Variants in MAPKAP1 observed in about 807,000 individuals in gnomAD.
The protein encoded by MAPKAP1 is target of rapamycin complex 2 subunit MAPKAP1.
MAPKAP1 carries 20 observed loss-of-function variants against 65.7 expected under a neutral mutation model. That is an observed-to-expected ratio of 0.30 (90% CI 0.21 to 0.44). MAPKAP1 has a LOEUF of 0.44. MAPKAP1 is among the 20% of genes least tolerant of loss of function. The pLI is 1.00. For synonymous variants in MAPKAP1, 222 were observed against 244.3 expected (o/e 0.91, Z 0.85); for missense variants, 423 against 648.0 (o/e 0.65, Z 3.77).
chr9:125,636,387 G>A (rs1263909411), intron 4 of MAPKAP1, among the ~76,000 whole-genome samples: 2 of 151,996 alleles, frequency 1.3e-5, no homozygotes, highest in Non-Finnish European at 2.9e-5. Flanking sequence ...AAAATACATA[G>A]GAAAAAAAGC....
intron 4 of MAPKAP1, among the ~76,000 whole-genome samples, chr9:125,650,862 A>C (rs1833873259): frequency 6.6e-6 from 1 of 152,226 alleles, no homozygotes; most frequent in African/African-American, 2.4e-5. Flanking sequence ...CAAAAATCCC[A>C]ATGTCCTCCC....
At chr9:125,506,736 C>T (rs186324988) in intron 7 of MAPKAP1, among the ~76,000 whole-genome samples, 1 of 152,262 alleles carries the variant, frequency 6.6e-6, no homozygotes, top group African/African-American at 2.4e-5. Flanking sequence ...CCTCCGTTTC[C>T]TAATATGTAA....
chr9:125,586,118 T>C (rs978628120), intron 4 of MAPKAP1, among the ~76,000 whole-genome samples: 2 of 152,108 alleles, frequency 1.3e-5, no homozygotes, highest in Non-Finnish European at 2.9e-5. Context: ...ATGAGCTGCC[T>C]GGGAAGCTGT....
intron 11 of MAPKAP1, among the ~76,000 whole-genome samples, chr9:125,441,570 C>T (rs1852485731): frequency 6.6e-6 from 1 of 152,218 alleles, no homozygotes; most frequent in African/African-American, 2.4e-5. Flanking sequence ...GTTTATTTGA[C>T]ATCAGATTGT....
chr9:125,542,065 T>A (rs1050555305), intron 7 of MAPKAP1, among the ~76,000 whole-genome samples: 1 of 152,112 alleles, frequency 6.6e-6, no homozygotes, highest in African/African-American at 2.4e-5. Context: ...TCTCTCTCTC[T>A]CTCTCTTTTT....
intron 4 of MAPKAP1, among the ~76,000 whole-genome samples, chr9:125,615,538 CAAAA>C (rs58426049): frequency 9.0e-6 from 1 of 110,754 alleles, no homozygotes; most frequent in African/African-American, 3.9e-5. Flanking sequence ...ACTAAAAATA[CAAAA>C]AAAAAAAAAA....
chr9:125,478,940 G>C (rs1263567662), intron 9 of MAPKAP1, among the ~76,000 whole-genome samples: 1 of 152,202 alleles, frequency 6.6e-6, no homozygotes, highest in East Asian at 1.9e-4. Context: ...AGTTGTCATA[G>C]TTCCACAGAG....
chr9:125,484,554 C>G lies in MAPKAP1; in HGVS notation c.1096G>C (p.Asp366His). Residue 366 changes from aspartate (D) to histidine (H), a missense_variant, in exon 9 of 12, where the codon GAT becomes CAT. Asp to His is a moderately conservative substitution (Grantham distance 81, BLOSUM62 -1). Coordinates refer to ENST00000265960, the MANE Select transcript of MAPKAP1 (RefSeq NM_001006617.3). Reference protein sequence around the residue: ...SSRADGVFEEDSQIDIATVQD... With the variant: ...SSRADGVFEEHSQIDIATVQD... ...ACTGTGGCTATGTCAATTTGCGAAT[C>G]CTCCTCAAAAACCCCGTCTGCCCTT... is the stretch of plus-strand genomic sequence containing the variant. The G allele has an allele frequency of 6.2e-7, 1 of 1,611,114 alleles. No homozygotes were observed. Among genetic ancestry groups the G allele is most frequent in the Non-Finnish European group, 8.5e-7 (1 of 1,178,662 alleles).
At position 125,480,974 on chromosome 9, in the gene MAPKAP1, G is replaced by GAA. The variant is rs1564525845; in HGVS notation, c.1207+3468_1207+3469insTT. 7.5e-4 allele frequency among the ~76,000 whole-genome samples: 73 copies of GAA among 97,636 alleles called. 5 individuals are homozygous for GAA. The highest frequency in any genetic ancestry group is 1.5e-3 in the Admixed American group (13 of 8,882). 64.1% of individuals were successfully genotyped at this position (97,636 alleles called of 152,430 possible). ...GTGACAGAGCGAGACTCCGTTTCGGGGAAAAAAAAAAAAAAAAAAAAAAAA... is the reference window on the plus strand; with the variant it reads ...GTGACAGAGCGAGACTCCGTTTCGGGAAGAAAAAAAAAAAAAAAAAAAAAAAA... On this transcript the variant is annotated intron_variant, in intron 9 of 11. Transcript: ENST00000265960.
intron 1 of MAPKAP1, among the ~76,000 whole-genome samples, chr9:125,676,397 G>T (rs1047643147): frequency 6.6e-6 from 1 of 152,198 alleles, no homozygotes; most frequent in Non-Finnish European, 1.5e-5. Flanking sequence ...ATACATGGTA[G>T]AGGGTGAACA....
At chr9:125,622,039 G>T (rs1028134690) in intron 4 of MAPKAP1, among the ~76,000 whole-genome samples, 1 of 152,202 alleles carries the variant, frequency 6.6e-6, no homozygotes, top group Non-Finnish European at 1.5e-5. Context: ...GGCACTGAAA[G>T]ATAAATACCA....
chr9:125,678,227 A>ATTTTT (rs1834710518), intron 1 of MAPKAP1, among the ~76,000 whole-genome samples: 1 of 151,188 alleles, frequency 6.6e-6, no homozygotes, highest in East Asian at 2.0e-4. Flanking sequence ...CAACACAGGC[A>ATTTTT]TTTTTATTTT....
At chr9:125,686,270 C>T (rs1834971001) in intron 1 of MAPKAP1, among the ~76,000 whole-genome samples, 1 of 149,002 alleles carries the variant, frequency 6.7e-6, no homozygotes, top group Non-Finnish European at 1.5e-5. Context: ...CGAGATAGAG[C>T]CACTGCACTC....
intron 4 of MAPKAP1, among the ~76,000 whole-genome samples, chr9:125,654,303 A>G (rs1833971666): frequency 6.6e-6 from 1 of 152,212 alleles, no homozygotes; most frequent in South Asian, 2.1e-4. Flanking sequence ...TAACGAGGCT[A>G]TTCAGAGGTT....
intron 4 of MAPKAP1, among the ~76,000 whole-genome samples, chr9:125,620,675 T>C (rs982781478): frequency 9.2e-5 from 14 of 152,216 alleles, no homozygotes; most frequent in African/African-American, 3.4e-4. Context: ...TATGCAGCTA[T>C]ATGAAGGGAT....
At chr9:125,565,154 C>T (rs112014584) in intron 5 of MAPKAP1, among the ~76,000 whole-genome samples, 3,136 of 152,166 alleles carry the variant, frequency 0.021, 35 homozygotes, top group South Asian at 0.041. Context: ...ATTCATGTTC[C>T]ATCAGATAAG....
intron 8 of MAPKAP1, among the ~76,000 whole-genome samples, chr9:125,485,767 AC>A (rs1464533246): frequency 1.3e-5 from 2 of 152,078 alleles, no homozygotes; most frequent in African/African-American, 4.8e-5. Context: ...GTTGGCTTAT[AC>A]TGGACCCTGG....
intron 7 of MAPKAP1, among the ~76,000 whole-genome samples, chr9:125,516,795 T>G (rs546927400): frequency 1.6e-4 from 24 of 152,378 alleles, no homozygotes; most frequent in African/African-American, 5.8e-4. Flanking sequence ...TTCCACAGAT[T>G]ATGTGTAACA....
At chr9:125,652,172 A>C (rs1261470414) in intron 4 of MAPKAP1, 1 of 1,321,064 alleles carries the variant, frequency 7.6e-7, no homozygotes. Flanking sequence ...CAAAGTTTTA[A>C]GTGACTTTCT....
Sources: allele counts gnomAD v4.1 joint callset (sites outside exome capture counted in the v4.1 genomes callset), GRCh38; gene constraint gnomAD v4.1.1; transcripts MANE v1.5; gene names NCBI Gene and HGNC (gene_info 2026-07-23, HGNC 2026-07-21).